FARS2: variants seen among roughly 807,000 people sequenced by gnomAD.
FARS2 encodes phenylalanine--tRNA ligase, mitochondrial.
In FARS2, 40 loss-of-function variants were observed where a neutral mutation model predicts 46.4. The observed-to-expected ratio is 0.86, with a 90% CI of 0.67 to 1.12. The LOEUF (loss-of-function observed/expected upper bound fraction) is 1.12. FARS2 is among the 50% of genes most tolerant of loss of function. FARS2 has a pLI of 0.00. For synonymous variants in FARS2, 234 were observed against 214.9 expected (o/e 1.09, Z -0.78); for missense variants, 513 against 567.9 (o/e 0.90, Z 0.98).
In FARS2 at chr6:5,737,385, A is replaced by G. The variant is rs149342185; in HGVS notation, c.1218-33906A>G. Among the ~76,000 whole-genome samples, 316 of 152,204 alleles carry G rather than the reference A, an allele frequency of 2.1e-3. 3 individuals carry two copies. Among genetic ancestry groups the G allele is most frequent in the African/African-American group, 7.2e-3 (298 of 41,516 alleles). The stretch of plus-strand genomic sequence containing the variant: ...GTCTCCACTAAAAATACAAAAATTA[A>G]CTGTACGTGGTGGCATGTGCCTGTA... On this transcript the variant is annotated intron_variant, in intron 6 of 6. Transcript: ENST00000274680.
intron 4 of FARS2, among the ~76,000 whole-genome samples, chr6:5,528,991 G>GCTTGCTCCTGTACCAAA (rs1173993443): frequency 2.4e-4 from 37 of 152,286 alleles, no homozygotes; most frequent in African/African-American, 8.4e-4. Context: ...ATCTGGAAAT[G>GCTTGCTCCTGTACCAAA]CCTATCTTCA....
intron 5 of FARS2, among the ~76,000 whole-genome samples, chr6:5,611,634 G>A (rs1775192186): frequency 6.6e-6 from 1 of 152,140 alleles, no homozygotes; most frequent in African/African-American, 2.4e-5. Context: ...GCTTGAAATA[G>A]GCTTGCAATA....
intron 6 of FARS2, among the ~76,000 whole-genome samples, chr6:5,747,918 T>C (rs1020454205): frequency 6.6e-6 from 1 of 152,246 alleles, no homozygotes; most frequent in Middle Eastern, 3.2e-3. Flanking sequence ...TAAAAATCTA[T>C]ATCTGAAGCC....
At chr6:5,424,104 T>G (rs1257855076) in intron 3 of FARS2, among the ~76,000 whole-genome samples, 1 of 152,132 alleles carries the variant, frequency 6.6e-6, no homozygotes, top group Non-Finnish European at 1.5e-5. Flanking sequence ...TGTTGCTTTA[T>G]CTAAGTGGGA....
At chr6:5,475,892 T>C (rs1220625202) in intron 4 of FARS2, among the ~76,000 whole-genome samples, 1 of 152,156 alleles carries the variant, frequency 6.6e-6, no homozygotes. Flanking sequence ...CCCCTGATGT[T>C]GTTTTCTCCC....
At chr6:5,315,738 T>TTTCTTTCTTTCTTTCTTTTTCTTTCTTTC in intron 1 of FARS2, among the ~76,000 whole-genome samples, 1 of 125,154 alleles carries the variant, frequency 8.0e-6, no homozygotes, top group African/African-American at 3.2e-5. Context: ...TTCTTTCTTT[T>TTTCTTTCTTTCTTTCTTTTTCTTTCTTTC]TTCCTTTCTT....
chr6:5,635,409 A>G (rs866994263), intron 6 of FARS2, among the ~76,000 whole-genome samples: 1 of 151,264 alleles, frequency 6.6e-6, no homozygotes, highest in African/African-American at 2.5e-5. Context: ...ATTGTTTTTG[A>G]TAGAAAAAAG....
At chr6:5,730,538 G>A (rs915555416) in intron 6 of FARS2, among the ~76,000 whole-genome samples, 1 of 151,696 alleles carries the variant, frequency 6.6e-6, no homozygotes, top group Non-Finnish European at 1.5e-5. Flanking sequence ...TTTACAACTA[G>A]AACTGTTTTT....
chr6:5,264,650 A>G (rs919116047), intron 1 of FARS2, among the ~76,000 whole-genome samples: 1 of 152,082 alleles, frequency 6.6e-6, no homozygotes, highest in African/African-American at 2.4e-5. Flanking sequence ...CAGGTGATCC[A>G]GCTGCCTTGG....
chr6:5,531,338 C>A (rs768782915), intron 4 of FARS2, among the ~76,000 whole-genome samples: 20 of 152,162 alleles, frequency 1.3e-4, no homozygotes, highest in Non-Finnish European at 2.4e-4. Flanking sequence ...ATTCTCACTG[C>A]GCAGGACCGT....
chr6:5,592,387 A>G (rs1272487003), intron 5 of FARS2, among the ~76,000 whole-genome samples: 8 of 144,762 alleles, frequency 5.5e-5, no homozygotes, highest in African/African-American at 2.0e-4. Context: ...CCTTGTCTCC[A>G]AAAAAAAAAA....
At chr6:5,508,533 C>T (rs954475562) in intron 4 of FARS2, among the ~76,000 whole-genome samples, 41 of 150,630 alleles carry the variant, frequency 2.7e-4, no homozygotes, top group Non-Finnish European at 5.5e-4. Flanking sequence ...GAGCAGAGTG[C>T]TGGCAGGTGG....
At chr6:5,549,470 C>G (rs974772028) in intron 5 of FARS2, among the ~76,000 whole-genome samples, 1 of 152,126 alleles carries the variant, frequency 6.6e-6, no homozygotes, top group Admixed American at 6.5e-5. Flanking sequence ...CCTTTTCCGG[C>G]TTTTAAAGGC....
intron 6 of FARS2, among the ~76,000 whole-genome samples, chr6:5,651,982 G>C (rs77908653): frequency 0.043 from 6,478 of 152,166 alleles, 313 homozygotes; most frequent in African/African-American, 0.11. Flanking sequence ...ACAGAACGTT[G>C]CACAGAGAAG....
chr6:5,718,270 T>A (rs1195223412), intron 6 of FARS2, among the ~76,000 whole-genome samples: 1 of 152,172 alleles, frequency 6.6e-6, no homozygotes, highest in East Asian at 1.9e-4. Flanking sequence ...ATAATTTACT[T>A]AACCCTTCCA....
intron 6 of FARS2, among the ~76,000 whole-genome samples, chr6:5,651,734 G>C (rs1347898523): frequency 6.6e-6 from 1 of 152,120 alleles, no homozygotes; most frequent in South Asian, 2.1e-4. Context: ...GTGTATTAAC[G>C]ATTAAATCCT....
intron 5 of FARS2, among the ~76,000 whole-genome samples, chr6:5,565,819 G>A (rs879318323): frequency 3.3e-5 from 5 of 152,086 alleles, no homozygotes; most frequent in Non-Finnish European, 4.4e-5. Context: ...CCAGATTGCC[G>A]TAAATTATTT....
chr6:5,641,283 GTTTAT>G (rs546965598), intron 6 of FARS2, among the ~76,000 whole-genome samples: 10 of 151,626 alleles, frequency 6.6e-5, no homozygotes, highest in African/African-American at 1.7e-4. Flanking sequence ...CGTGTCCCCA[GTTTAT>G]TTTATTTTAT....
chr6:5,576,155 A>G (rs1772949200), intron 5 of FARS2, among the ~76,000 whole-genome samples: 1 of 152,164 alleles, frequency 6.6e-6, no homozygotes, highest in African/African-American at 2.4e-5. Flanking sequence ...TATAATTCTG[A>G]TGGTTAATAC....
Sources: allele counts gnomAD v4.1 joint callset (sites outside exome capture counted in the v4.1 genomes callset), GRCh38; gene constraint gnomAD v4.1.1; transcripts MANE v1.5; gene names NCBI Gene and HGNC (gene_info 2026-07-23, HGNC 2026-07-21).